DTNA: variants seen among roughly 807,000 people sequenced by gnomAD.
DTNA encodes the protein dystrobrevin alpha.
In DTNA, 43 loss-of-function variants were observed where a neutral mutation model predicts 100.7. The observed-to-expected ratio is 0.43, with a 90% CI of 0.33 to 0.55. The LOEUF (loss-of-function observed/expected upper bound fraction) is 0.55, where lower values mean the gene tolerates loss of function less well. Ranked by LOEUF, DTNA falls within the 20% of genes least tolerant of loss-of-function variation. The pLI is 0.04. For missense variants in DTNA, 798 were observed against 953.9 expected (o/e 0.84, Z 2.15); for synonymous variants, 349 against 347.9 (o/e 1.00, Z -0.04).
At chr18:34,542,967 A>G (rs2044394034) in intron 1 of DTNA, among the ~76,000 whole-genome samples, 1 of 152,072 alleles carries the variant, frequency 6.6e-6, no homozygotes, top group Non-Finnish European at 1.5e-5. Context: ...ATCTCCAAGA[A>G]GCTGCAGACC....
intron 1 of DTNA, among the ~76,000 whole-genome samples, chr18:34,599,718 T>A (rs2147149344): frequency 6.6e-6 from 1 of 152,292 alleles, no homozygotes; most frequent in South Asian, 2.1e-4. Flanking sequence ...AAAGTCTTGC[T>A]CTGTCGCCCA....
intron 1 of DTNA, among the ~76,000 whole-genome samples, chr18:34,499,057 T>C (rs2039605910): frequency 1.3e-5 from 2 of 152,216 alleles, no homozygotes; most frequent in Admixed American, 1.3e-4. Flanking sequence ...TTGACGTTGA[T>C]ACAGTGATGA....
At position 34,853,319 on chromosome 18, in the gene DTNA, A is replaced by G. The variant is rs147680104; in HGVS notation, c.1532+1391A>G. Among the ~76,000 whole-genome samples, 771 of 152,328 alleles carry G rather than the reference A, an allele frequency of 5.1e-3. 8 individuals carry two copies. Among genetic ancestry groups the G allele is most frequent in the African/African-American group, 0.018 (738 of 41,566 alleles). On this transcript the variant is annotated intron_variant, in intron 15 of 22. Transcript: ENST00000444659. Reference sequence around the variant, plus strand: ...TTCTTAAACACTGATGTGACATTTGAGGTCAAACTGGAGGAGTAAAGGAGG... The same window carrying G: ...TTCTTAAACACTGATGTGACATTTGGGGTCAAACTGGAGGAGTAAAGGAGG...
intron 1 of DTNA, among the ~76,000 whole-genome samples, chr18:34,509,905 A>G (rs976610008): frequency 6.6e-6 from 1 of 152,106 alleles, no homozygotes; most frequent in African/African-American, 2.4e-5. Flanking sequence ...GAATCCTTGT[A>G]TAGACAAGGA....
chr18:34,727,037 C>G (rs1415602545), intron 1 of DTNA, among the ~76,000 whole-genome samples: 3 of 152,228 alleles, frequency 2.0e-5, no homozygotes, highest in African/African-American at 7.2e-5. Context: ...GCAGGCTCAA[C>G]ACAACGTAGA....
At chr18:34,745,398 A>G (rs1465925867) in intron 1 of DTNA, among the ~76,000 whole-genome samples, 1 of 151,632 alleles carries the variant, frequency 6.6e-6, no homozygotes, top group African/African-American at 2.4e-5. Flanking sequence ...ATTTTTCTCA[A>G]CACATTAGAA....
intron 1 of DTNA, among the ~76,000 whole-genome samples, chr18:34,728,982 G>A (rs973771062): frequency 2.0e-5 from 3 of 152,102 alleles, no homozygotes; most frequent in South Asian, 4.1e-4. Context: ...GGTCCCTTCA[G>A]TTGTGCACCT....
At position 34,848,374 on chromosome 18, in the gene DTNA, C is replaced by T. The variant is rs756679503; in HGVS notation, c.1425C>T (p.Ser475=). The T allele has an allele frequency of 6.2e-7, 1 of 1,613,934 alleles. No individual in the cohort carries two copies. Among genetic ancestry groups the T allele is most frequent in the Non-Finnish European group, 8.5e-7 (1 of 1,179,914 alleles). ...ARYAARLAAE[S]SSSQPPQQRS... ...ATGCGGCAAGGCTGGCAGCAGAGTC[C>T]TCTTCGTCTGTAAGTAGTTGGAGTA... Residue 475 remains serine (S), a synonymous_variant, in exon 14 of 23, where the codon TCC becomes TCT. Coordinates refer to ENST00000444659, the MANE Select transcript of DTNA (RefSeq NM_001386795.1).
intron 1 of DTNA, among the ~76,000 whole-genome samples, chr18:34,616,672 A>G (rs10163945): frequency 0.093 from 14,200 of 152,178 alleles, 930 homozygotes; most frequent in African/African-American, 0.17. Flanking sequence ...AATGTCATTA[A>G]TAGTTTGATA....
At chr18:34,751,507 G>C (rs983004971) in intron 1 of DTNA, among the ~76,000 whole-genome samples, 3 of 152,164 alleles carry the variant, frequency 2.0e-5, no homozygotes, top group African/African-American at 7.2e-5. Flanking sequence ...TTCCAGATTT[G>C]ATGCCTGTTA....
chr18:34,740,123 C>A (rs1764589467), intron 1 of DTNA, among the ~76,000 whole-genome samples: 1 of 152,094 alleles, frequency 6.6e-6, no homozygotes, highest in South Asian at 2.1e-4. Context: ...GAATCCCTTT[C>A]GCCACCTTTT....
Position 34,875,247 on chromosome 18 carries a change from G to T in DTNA, c.1752G>T (p.Gly584=). 1.2e-6 allele frequency: 2 copies of T among 1,613,882 alleles called. No homozygotes were observed. The highest frequency in any genetic ancestry group is 1.7e-6 in the Non-Finnish European group (2 of 1,179,906). ...CTGCATTGTCTCTCCAGACTCAGGG[G>T]GCAGGCTCTCCCCGCTCCTCCCCCA... ...EGLMKLLKTQ[G]AGSPRSSPSH... The change falls in exon 18 of 23, where the codon GGG becomes GGT. Residue 584 remains glycine, a synonymous_variant. Transcript: ENST00000444659.
chr18:34,617,959 C>T (rs183755809), intron 1 of DTNA, among the ~76,000 whole-genome samples: 1 of 152,102 alleles, frequency 6.6e-6, no homozygotes, highest in African/African-American at 2.4e-5. Context: ...TTTTAGAGAA[C>T]TAATTTATCT....
chr18:34,724,694 A>C (rs558379232), intron 1 of DTNA, among the ~76,000 whole-genome samples: 1 of 152,304 alleles, frequency 6.6e-6, no homozygotes, highest in African/African-American at 2.4e-5. Flanking sequence ...CAAGCCATTC[A>C]TGACAGATCT....
intron 1 of DTNA, among the ~76,000 whole-genome samples, chr18:34,498,418 A>T (rs543734123): frequency 6.8e-6 from 1 of 147,588 alleles, no homozygotes; most frequent in Admixed American, 6.9e-5. Context: ...GGGCAACAGA[A>T]CGAGACTCCA....
intron 1 of DTNA, among the ~76,000 whole-genome samples, chr18:34,552,872 T>C (rs1374044218): frequency 7.0e-6 from 1 of 142,958 alleles, no homozygotes; most frequent in Non-Finnish European, 1.5e-5. Flanking sequence ...GCATGATTTA[T>C]AGTCCTTTGG....
Position 34,812,033 on chromosome 18 carries a change from C to A in DTNA, c.523C>A (p.Leu175Ile), listed in dbSNP as rs1568606152. 1 of 1,614,074 alleles carries A rather than the reference C, an allele frequency of 6.2e-7. No individual in the cohort carries two copies. The highest frequency in any genetic ancestry group is 2.2e-5 in the East Asian group (1 of 44,870). ...ATATGACCAATTCCTTCGGGAAGTT[C>A]TCAAACTACCCACGGCAGTTTTTGA... ...GRYDQFLREV[L>I]KLPTAVFEGP... Residue 175 changes from leucine (L) to isoleucine (I), a missense_variant, in exon 6 of 23, where the codon CTC (leucine) becomes ATC (isoleucine). Physicochemically the swap from Leu to Ile is conservative, Grantham distance 5. Around this residue, in one of 6 missense-constraint regions of DTNA, gnomAD observed 197 missense variants for 215.4 expected, o/e 0.91. Coordinates refer to ENST00000444659, the MANE Select transcript of DTNA (RefSeq NM_001386795.1).
At chr18:34,871,712 A>G (rs1402748441) in intron 17 of DTNA, among the ~76,000 whole-genome samples, 1 of 152,160 alleles carries the variant, frequency 6.6e-6, no homozygotes, top group Admixed American at 6.5e-5. Flanking sequence ...TAGTGTTCCT[A>G]CAAGAACAGA....
intron 17 of DTNA, among the ~76,000 whole-genome samples, chr18:34,873,152 C>T (rs2096781815): frequency 6.6e-6 from 1 of 152,148 alleles, no homozygotes. Flanking sequence ...TGAAACAAAA[C>T]AGTGTATGTA....
Sources: gnomAD v4.1 joint callset for allele counts (sites outside exome capture counted in the v4.1 genomes callset) on GRCh38, gnomAD v4.1.1 for gene constraint, gnomAD v4.1.1 regional missense constraint, MANE v1.5 for transcripts, NCBI Gene and HGNC (gene_info 2026-07-23, HGNC 2026-07-21) for gene names.